The following TRPM3 variants were observed in gnomAD, a reference collection of about 807,000 sequenced individuals.
TRPM3 encodes transient receptor potential cation channel subfamily M member 3.
Under a neutral mutation model 181.2 loss-of-function variants are expected in TRPM3, and 77 were observed. The observed-to-expected ratio is 0.42, with a 90% CI of 0.35 to 0.51. The LOEUF is 0.51. Among genes scored for constraint, TRPM3 ranks in the 20% least tolerant of loss-of-function variants. The pLI, the probability that TRPM3 is intolerant of heterozygous loss-of-function variation, is 0.01. For synonymous variants in TRPM3, 745 were observed against 796.4 expected (o/e 0.94, Z 1.09); for missense variants, 1,759 against 2,196.7 (o/e 0.80, Z 3.98).
intron 1 of TRPM3, among the ~76,000 whole-genome samples, chr9:71,069,799 G>GT (rs968862810): frequency 2.0e-5 from 3 of 151,194 alleles, no homozygotes; most frequent in Non-Finnish European, 4.4e-5. Flanking sequence ...ATAGAGATGG[G>GT]TTTTTGCCAT....
intron 1 of TRPM3, among the ~76,000 whole-genome samples, chr9:70,890,000 T>C (rs1056508191): frequency 1.3e-5 from 2 of 148,152 alleles, no homozygotes; most frequent in Non-Finnish European, 3.0e-5. Context: ...TATATTTATA[T>C]TTATATATTC....
At chr9:70,583,050 G>A (rs1271513860) in intron 22 of TRPM3, among the ~76,000 whole-genome samples, 2 of 152,166 alleles carry the variant, frequency 1.3e-5, no homozygotes, top group Admixed American at 6.5e-5. Context: ...GCAGGTACTG[G>A]CTTGGTACCC....
intron 1 of TRPM3, among the ~76,000 whole-genome samples, chr9:71,442,061 C>G (rs752106051): frequency 6.6e-6 from 1 of 152,222 alleles, no homozygotes; most frequent in Non-Finnish European, 1.5e-5. Context: ...CCCTCCTGCA[C>G]GCACAGCATC....
chr9:71,121,558 G>A lies in TRPM3; in HGVS notation c.-204C>T. 1 of 1,379,252 alleles carries A rather than the reference G, an allele frequency of 7.3e-7. No individual in the cohort carries two copies. The highest frequency in any genetic ancestry group is 9.4e-7 in the Non-Finnish European group (1 of 1,069,222). The allele number at this position is 1,379,252 out of a possible 1,614,324, so 85.4% of individuals were successfully genotyped here. A position where few individuals can be genotyped will look rare whatever the true frequency, so the allele number is the denominator to read the frequency against. ...CTTCGGGGAGGGGATGCACGATTTT[G>A]AAGAAGAGGGACAGCCTGCACAAAA... On this transcript the variant is annotated 5_prime_UTR_variant, in exon 1 of 26. Transcript: ENST00000677713.
chr9:71,245,546 A>G (rs1329203865), intron 1 of TRPM3, among the ~76,000 whole-genome samples: 2 of 152,206 alleles, frequency 1.3e-5, no homozygotes, highest in Non-Finnish European at 2.9e-5. Context: ...GGTGTAACAT[A>G]ATTACAATTG....
intron 1 of TRPM3, among the ~76,000 whole-genome samples, chr9:71,168,531 GTGTGATTTATTTATTTATT>G (rs1406174029): frequency 5.1e-5 from 2 of 39,480 alleles, no homozygotes; most frequent in Non-Finnish European, 1.1e-4. Context: ...TTTTTTTAAG[GTGTGATTTATTTATTTATT>G]TATTTATTTA....
intron 1 of TRPM3, among the ~76,000 whole-genome samples, chr9:71,291,126 T>C (rs988373380): frequency 6.6e-6 from 1 of 152,182 alleles, no homozygotes; most frequent in Admixed American, 6.6e-5. Context: ...TGAGCTCCTG[T>C]ACCAGGCCTC....
chr9:70,698,537 A>G (rs2071350026), intron 8 of TRPM3, among the ~76,000 whole-genome samples: 1 of 152,230 alleles, frequency 6.6e-6, no homozygotes, highest in Non-Finnish European at 1.5e-5. Flanking sequence ...TGAATTATAC[A>G]GTAAAAGCGG....
At chr9:70,821,657 C>T (rs959458792) in intron 6 of TRPM3, among the ~76,000 whole-genome samples, 4 of 152,178 alleles carry the variant, frequency 2.6e-5, no homozygotes, top group Non-Finnish European at 5.9e-5. Flanking sequence ...ATTTACTTAA[C>T]CATCTCTCTG....
intron 11 of TRPM3, 147 bp from the exon 12 acceptor site, chr9:70,635,408 T>C (rs2056996632): frequency 5.0e-6 from 3 of 594,768 alleles, no homozygotes; most frequent in South Asian, 2.2e-5. Flanking sequence ...GTATCTGCCT[T>C]TTCTTTCTTT....
chr9:71,218,049 C>G (rs1182817119), intron 1 of TRPM3, among the ~76,000 whole-genome samples: 3 of 152,174 alleles, frequency 2.0e-5, no homozygotes, highest in African/African-American at 7.2e-5. Flanking sequence ...GATGGCTTTG[C>G]TTTACTGATT....
At chr9:71,383,371 T>C (rs2132886902) in intron 1 of TRPM3, among the ~76,000 whole-genome samples, 1 of 152,326 alleles carries the variant, frequency 6.6e-6, no homozygotes, top group East Asian at 1.9e-4. Context: ...CTGACCACTA[T>C]GGACTGCATC....
intron 25 of TRPM3, among the ~76,000 whole-genome samples, chr9:70,539,360 T>C (rs1419769384): frequency 6.6e-6 from 1 of 152,184 alleles, no homozygotes; most frequent in East Asian, 1.9e-4. Context: ...CTCCCCTGCC[T>C]TGGGGCACAT....
At chr9:70,891,239 CAT>C (rs1226113304) in intron 1 of TRPM3, among the ~76,000 whole-genome samples, 1 of 151,452 alleles carries the variant, frequency 6.6e-6, no homozygotes, top group Non-Finnish European at 1.5e-5. Context: ...TTTGCATAGT[CAT>C]AGAAAATAAA....
At chr9:71,348,290 C>T (rs1037051045) in intron 1 of TRPM3, among the ~76,000 whole-genome samples, 2 of 152,024 alleles carry the variant, frequency 1.3e-5, no homozygotes, top group African/African-American at 4.8e-5. Flanking sequence ...ACAGTTGCTA[C>T]AGCTACTAGT....
At chr9:70,597,300 G>T (rs1049737669) in intron 21 of TRPM3, among the ~76,000 whole-genome samples, 2 of 152,066 alleles carry the variant, frequency 1.3e-5, no homozygotes, top group African/African-American at 4.8e-5. Flanking sequence ...TCAGACTCCT[G>T]GGCTCAAGTA....
intron 1 of TRPM3, among the ~76,000 whole-genome samples, chr9:71,110,474 T>C (rs899722499): frequency 6.6e-6 from 1 of 152,248 alleles, no homozygotes; most frequent in Non-Finnish European, 1.5e-5. Flanking sequence ...GCTGCTTTCA[T>C]GCTTCGATGT....
intron 1 of TRPM3, among the ~76,000 whole-genome samples, chr9:70,991,961 C>T (rs2097490809): frequency 6.6e-6 from 1 of 152,176 alleles, no homozygotes; most frequent in Non-Finnish European, 1.5e-5. Flanking sequence ...CCTACTTATC[C>T]TTTGAGGCCC....
chr9:71,338,161 T>C (rs887338608), intron 1 of TRPM3, among the ~76,000 whole-genome samples: 3 of 152,024 alleles, frequency 2.0e-5, no homozygotes, highest in African/African-American at 7.2e-5. Context: ...TGGTAAAAAC[T>C]TCAGCCATCC....
Sources: gnomAD v4.1 joint callset for allele counts (sites outside exome capture counted in the v4.1 genomes callset) on GRCh38, gnomAD v4.1.1 for gene constraint, MANE v1.5 for transcripts, NCBI Gene and HGNC (gene_info 2026-07-23, HGNC 2026-07-21) for gene names.